Variants in PPP3CA observed in about 807,000 individuals in gnomAD.
The protein encoded by PPP3CA is protein phosphatase 3 catalytic subunit alpha.
PPP3CA carries 14 observed loss-of-function variants against 66.5 expected under a neutral mutation model. That is an observed-to-expected ratio of 0.21 (90% CI 0.14 to 0.33). The LOEUF is 0.33. PPP3CA is among the 10% of genes least tolerant of loss of function. The probability of loss-of-function intolerance (pLI) is 1.00; values close to 1 mark genes in which losing one functional copy is unlikely to be tolerated. For missense variants in PPP3CA, 317 were observed against 639.5 expected (o/e 0.50, Z 5.44); for synonymous variants, 232 against 226.2 (o/e 1.03, Z -0.23).
intron 1 of PPP3CA, among the ~76,000 whole-genome samples, chr4:101,207,895 T>C (rs1343855673): frequency 6.6e-6 from 1 of 151,882 alleles, no homozygotes; most frequent in East Asian, 1.9e-4. Flanking sequence ...ACATATATAA[T>C]GGCAAGCAGA....
intron 2 of PPP3CA, among the ~76,000 whole-genome samples, chr4:101,192,891 A>G (rs888856993): frequency 1.2e-4 from 18 of 152,304 alleles, no homozygotes; most frequent in African/African-American, 3.6e-4. Context: ...ATAACTTTCA[A>G]TAAGTTCTCA....
intron 1 of PPP3CA, among the ~76,000 whole-genome samples, chr4:101,335,659 C>G (rs1483625675): frequency 1.3e-5 from 2 of 152,124 alleles, no homozygotes; most frequent in Non-Finnish European, 2.9e-5. Context: ...CTAAGAGCAT[C>G]ATGACTGGCA....
At chr4:101,135,505 A>C (rs1722594479) in intron 2 of PPP3CA, among the ~76,000 whole-genome samples, 1 of 152,206 alleles carries the variant, frequency 6.6e-6, no homozygotes, top group African/African-American at 2.4e-5. Flanking sequence ...GGTCTAAAAA[A>C]CAGAATCAAT....
chr4:101,186,530 A>G (rs1724414072), intron 2 of PPP3CA, among the ~76,000 whole-genome samples: 1 of 152,072 alleles, frequency 6.6e-6, no homozygotes, highest in Non-Finnish European at 1.5e-5. Flanking sequence ...ATATTTGGCT[A>G]TTTACTTCTA....
At chr4:101,254,366 AGTTTATTTGCTGGTCACAGGTGT>A (rs1726773979) in intron 1 of PPP3CA, among the ~76,000 whole-genome samples, 1 of 151,956 alleles carries the variant, frequency 6.6e-6, no homozygotes, top group African/African-American at 2.4e-5. Flanking sequence ...GAATGTGTAT[AGTTTATTTGCTGGTCACAGGTGT>A]GGACCCAGTT....
intron 2 of PPP3CA, among the ~76,000 whole-genome samples, chr4:101,149,436 C>A (rs957925620): frequency 6.6e-6 from 1 of 152,086 alleles, no homozygotes; most frequent in Non-Finnish European, 1.5e-5. Flanking sequence ...CATTTCAAAT[C>A]CTGTATTAGT....
At chr4:101,047,661 G>T (rs973153744) in intron 10 of PPP3CA, among the ~76,000 whole-genome samples, 1 of 151,916 alleles carries the variant, frequency 6.6e-6, no homozygotes, top group South Asian at 2.1e-4. Flanking sequence ...TCTCCATGTG[G>T]CCCAGGCTGG....
chr4:101,032,477 G>A, intron 11 of PPP3CA, 113 bp from the exon 12 acceptor site: 1 of 816,522 alleles, frequency 1.2e-6, no homozygotes, highest in Non-Finnish European at 2.0e-6. Flanking sequence ...CTCTATCTTG[G>A]CTCTCCGGAT....
At chr4:101,191,125 C>T (rs920334866) in intron 2 of PPP3CA, among the ~76,000 whole-genome samples, 8 of 152,286 alleles carry the variant, frequency 5.3e-5, no homozygotes, top group African/African-American at 1.9e-4. Flanking sequence ...AGATCCAGAG[C>T]ATCATCATTA....
chr4:101,113,954 C>G (rs1005682658), intron 2 of PPP3CA, among the ~76,000 whole-genome samples: 2 of 152,086 alleles, frequency 1.3e-5, no homozygotes, highest in South Asian at 2.1e-4. Flanking sequence ...GCCTTGACAG[C>G]ACTTCTTGAA....
chr4:101,068,576 AATATGCATATATGCATATTCACAT>A (rs926590678), intron 8 of PPP3CA, among the ~76,000 whole-genome samples: 5 of 152,096 alleles, frequency 3.3e-5, no homozygotes, highest in Admixed American at 1.3e-4. Context: ...AGATTGTGTG[AATATGCATATATGCATATTCACAT>A]ATATGCATAC....
chr4:101,231,697 T>TC (rs2110224343), intron 1 of PPP3CA, among the ~76,000 whole-genome samples: 1 of 151,864 alleles, frequency 6.6e-6, no homozygotes, highest in Non-Finnish European at 1.5e-5. Flanking sequence ...TTTGTCTGTG[T>TC]CCCTCCATGG....
chr4:101,257,408 A>G (rs1726879462), intron 1 of PPP3CA, among the ~76,000 whole-genome samples: 1 of 151,282 alleles, frequency 6.6e-6, no homozygotes, highest in Admixed American at 6.6e-5. Context: ...TTTGACATTT[A>G]GAACCTGCTT....
chr4:101,292,984 A>G (rs1728078858), intron 1 of PPP3CA, among the ~76,000 whole-genome samples: 1 of 152,212 alleles, frequency 6.6e-6, no homozygotes, highest in South Asian at 2.1e-4. Context: ...CCAACTTGCT[A>G]ACCATCCTAT....
chr4:101,178,109 C>A (rs1316873023), intron 2 of PPP3CA, among the ~76,000 whole-genome samples: 1 of 152,074 alleles, frequency 6.6e-6, no homozygotes, highest in East Asian at 1.9e-4. Flanking sequence ...ATTTCAATCA[C>A]TTGCACAGAA....
intron 1 of PPP3CA, among the ~76,000 whole-genome samples, chr4:101,271,947 TACTA>T (rs1727348712): frequency 6.6e-6 from 1 of 152,188 alleles, no homozygotes; most frequent in African/African-American, 2.4e-5. Context: ...ACATTTTAAC[TACTA>T]ACTTAGTCAT....
intron 1 of PPP3CA, among the ~76,000 whole-genome samples, chr4:101,211,608 A>T (rs1039171581): frequency 3.9e-5 from 6 of 152,124 alleles, no homozygotes; most frequent in African/African-American, 1.4e-4. Flanking sequence ...TTTTAATTTA[A>T]TTTTTGATGA....
At chr4:101,075,955 A>T (rs1487120979) in intron 8 of PPP3CA, among the ~76,000 whole-genome samples, 1 of 152,146 alleles carries the variant, frequency 6.6e-6, no homozygotes, top group Admixed American at 6.5e-5. Flanking sequence ...CCTAGCATGG[A>T]GCTTGGTATA....
chr4:101,155,683 G>T (rs1394006498), intron 2 of PPP3CA, among the ~76,000 whole-genome samples: 1 of 149,040 alleles, frequency 6.7e-6, no homozygotes, highest in East Asian at 2.0e-4. Flanking sequence ...ATTCCTTTTT[G>T]TTTTAAGTTC....
Sources: allele counts gnomAD v4.1 joint callset (sites outside exome capture counted in the v4.1 genomes callset), GRCh38; gene constraint gnomAD v4.1.1; transcripts MANE v1.5; gene names NCBI Gene and HGNC (gene_info 2026-07-23, HGNC 2026-07-21).